ATP8A2: variants seen among roughly 807,000 people sequenced by gnomAD.
The protein encoded by ATP8A2 is ATPase phospholipid transporting 8A2, also known as phospholipid-transporting ATPase IB.
A neutral mutation model predicts 165.6 loss-of-function variants in ATP8A2; 100 were observed. The ratio of observed to expected loss-of-function variants is 0.60; its 90% CI spans 0.51 to 0.71. The LOEUF is 0.71. Ranked by LOEUF, ATP8A2 falls within the 30% of genes least tolerant of loss-of-function variation. ATP8A2 has a pLI of 0.00. For synonymous variants in ATP8A2, 543 were observed against 548.8 expected, an observed-to-expected ratio of 0.99 and a Z score of 0.15; for missense variants, 1,227 against 1,479.5, an observed-to-expected ratio of 0.83 and a Z score of 2.80.
intron 28 of ATP8A2, among the ~76,000 whole-genome samples, chr13:25,830,104 G>A (rs917513369): frequency 2.0e-5 from 3 of 151,308 alleles, no homozygotes; most frequent in African/African-American, 7.3e-5. Context: ...GACCTCCCTG[G>A]CTCAAGCAAT....
At chr13:25,810,384 A>G (rs1409275849) in intron 27 of ATP8A2, among the ~76,000 whole-genome samples, 1 of 152,146 alleles carries the variant, frequency 6.6e-6, no homozygotes, top group African/African-American at 2.4e-5. Flanking sequence ...ACCCTCCTTC[A>G]GGTCCTTGGC....
At chr13:25,835,198 G>A (rs556249223) in intron 28 of ATP8A2, among the ~76,000 whole-genome samples, 2 of 152,228 alleles carry the variant, frequency 1.3e-5, no homozygotes, top group East Asian at 3.9e-4. Context: ...GTGAGAGTAT[G>A]TACTAAGAAA....
intron 10 of ATP8A2, among the ~76,000 whole-genome samples, chr13:25,547,364 A>G (rs2038683804): frequency 6.6e-6 from 1 of 151,848 alleles, no homozygotes; most frequent in Non-Finnish European, 1.5e-5. Flanking sequence ...TTACTGCCTG[A>G]GCTCTGCCTC....
chr13:25,894,515 T>C (rs1193161134), intron 33 of ATP8A2, among the ~76,000 whole-genome samples: 3 of 151,874 alleles, frequency 2.0e-5, no homozygotes, highest in Non-Finnish European at 2.9e-5. Flanking sequence ...CTTGGCAATA[T>C]GGGCTCTTTT....
At chr13:25,540,977 T>G (rs2038457712) in intron 8 of ATP8A2, among the ~76,000 whole-genome samples, 1 of 151,790 alleles carries the variant, frequency 6.6e-6, no homozygotes, top group Non-Finnish European at 1.5e-5. Flanking sequence ...TTCTCCCACC[T>G]TAGCCTCCCG....
chr13:25,723,133 G>T (rs552011544), intron 25 of ATP8A2, among the ~76,000 whole-genome samples: 1 of 152,334 alleles, frequency 6.6e-6, no homozygotes, highest in East Asian at 1.9e-4. Flanking sequence ...ATATGATGTG[G>T]CTACAAAAAT....
chr13:25,831,087 C>T (rs1004616575), intron 28 of ATP8A2, among the ~76,000 whole-genome samples: 6 of 152,148 alleles, frequency 3.9e-5, no homozygotes, highest in Non-Finnish European at 8.8e-5. Context: ...TCCTCCTCTT[C>T]TGGGCTGGGT....
chr13:25,630,888 A>G (rs1411262192), intron 24 of ATP8A2, among the ~76,000 whole-genome samples: 11 of 152,086 alleles, frequency 7.2e-5, no homozygotes, highest in Admixed American at 7.2e-4. Context: ...AATTTACAAG[A>G]GCAGTAACTA....
chr13:25,422,833 G>A (rs1027996050), intron 1 of ATP8A2, among the ~76,000 whole-genome samples: 2 of 152,228 alleles, frequency 1.3e-5, no homozygotes, highest in Non-Finnish European at 2.9e-5. Context: ...AGTGCTACCT[G>A]TCTGAGGTTG....
chr13:25,555,170 A>G (rs1214656724), intron 13 of ATP8A2, 102 bp downstream of exon 13: 3 of 792,586 alleles, frequency 3.8e-6, no homozygotes, highest in Non-Finnish European at 6.6e-6. Flanking sequence ...ATACTTCTCC[A>G]TGAACATGGC....
chr13:25,893,281 A>G (rs1208608121), intron 33 of ATP8A2, among the ~76,000 whole-genome samples: 5 of 140,562 alleles, frequency 3.6e-5, no homozygotes, highest in Non-Finnish European at 7.5e-5. Flanking sequence ...ATTCCCACCT[A>G]TGAGTGAGAA....
At chr13:25,756,069 G>C (rs1225584237) in intron 25 of ATP8A2, among the ~76,000 whole-genome samples, 1 of 152,216 alleles carries the variant, frequency 6.6e-6, no homozygotes, top group Non-Finnish European at 1.5e-5. Context: ...GGAGCTGAGA[G>C]GGGAAGGGCA....
At chr13:25,424,895 T>A (rs1159060601) in intron 1 of ATP8A2, among the ~76,000 whole-genome samples, 2 of 152,052 alleles carry the variant, frequency 1.3e-5, no homozygotes, top group African/African-American at 2.4e-5. Flanking sequence ...GAGGCAGAGG[T>A]TGTAGTGAGC....
chr13:25,847,625 C>T lies in ATP8A2; in HGVS notation c.2956+8001C>T, dbSNP rs189635957. ...TGGATTAGCCAGGGAATCTCAGGGG[C>T]TTAACCCAGTAAAGAGTTATTTCTC... On this transcript the variant is annotated intron_variant, in intron 30 of 36. Coordinates refer to ENST00000381655, the MANE Select transcript of ATP8A2 (RefSeq NM_016529.6). Among the ~76,000 whole-genome samples, 516 of 152,276 alleles carry T rather than the reference C, an allele frequency of 3.4e-3. 2 individuals carry two copies. Among genetic ancestry groups the T allele is most frequent in the African/African-American group, 0.012 (479 of 41,548 alleles).
At chr13:25,519,829 T>A (rs866736569) in intron 2 of ATP8A2, among the ~76,000 whole-genome samples, 28 of 152,312 alleles carry the variant, frequency 1.8e-4, no homozygotes, top group African/African-American at 5.5e-4. Context: ...GTTGGGAAGT[T>A]CTGTCATTCA....
At chr13:25,897,261 G>C (rs1003428279) in intron 33 of ATP8A2, among the ~76,000 whole-genome samples, 6 of 152,186 alleles carry the variant, frequency 3.9e-5, no homozygotes, top group Non-Finnish European at 8.8e-5. Flanking sequence ...TTGCTTGTCT[G>C]TAAAGTATTT....
intron 24 of ATP8A2, among the ~76,000 whole-genome samples, chr13:25,627,629 C>A (rs1406073950): frequency 6.6e-6 from 1 of 152,142 alleles, no homozygotes; most frequent in Admixed American, 6.6e-5. Context: ...TTGGCTGACA[C>A]CTTGATCTTT....
intron 24 of ATP8A2, among the ~76,000 whole-genome samples, chr13:25,600,753 C>T (rs2040362679): frequency 1.3e-5 from 2 of 152,312 alleles, no homozygotes; most frequent in Middle Eastern, 3.4e-3. Context: ...TGATAGAATT[C>T]ATGCAGCATC....
At chr13:25,504,196 GTCAGTAT>G in intron 2 of ATP8A2, among the ~76,000 whole-genome samples, 1 of 152,266 alleles carries the variant, frequency 6.6e-6, no homozygotes, top group South Asian at 2.1e-4. Context: ...ATTGAATACC[GTCAGTAT>G]TCAGTATTGT....
Sources: allele counts gnomAD v4.1 joint callset (sites outside exome capture counted in the v4.1 genomes callset), GRCh38; gene constraint gnomAD v4.1.1; transcripts MANE v1.5; gene names NCBI Gene and HGNC (gene_info 2026-07-23, HGNC 2026-07-21).